LIN7C: variants seen among roughly 807,000 people sequenced by gnomAD.
The protein encoded by LIN7C is lin-7 cell polarity scaffold C.
Under a neutral mutation model 24.7 loss-of-function variants are expected in LIN7C, and 17 were observed. The ratio of observed to expected loss-of-function variants is 0.69; its 90% CI spans 0.47 to 1.03. LIN7C has a LOEUF of 1.03. Ranked by LOEUF, LIN7C falls within the 50% of genes least tolerant of loss-of-function variation. LIN7C has a pLI of 0.00. For missense variants in LIN7C, 204 were observed against 239.0 expected (o/e 0.85, Z 0.97); for synonymous variants, 90 against 83.4 (o/e 1.08, Z -0.43).
chr11:27,505,245 T>G (rs997720720), intron 1 of LIN7C, among the ~76,000 whole-genome samples: 5 of 152,154 alleles, frequency 3.3e-5, no homozygotes, highest in Middle Eastern at 3.2e-3. Flanking sequence ...GGCAGGAGAA[T>G]TGCTTGAACC....
In LIN7C at chr11:27,501,477, G is replaced by T; in HGVS notation, c.228+18C>A. On this transcript the variant is annotated intron_variant, in intron 3 of 4. Transcript: ENST00000278193. ...AATTTATGAAGAATTCTTACTTTTG[G>T]AAAACAAAAAAATTTACCTTTGCAG... The T allele has an allele frequency of 6.5e-7, 1 of 1,545,106 alleles. No homozygotes were observed. Among genetic ancestry groups the T allele is most frequent in the Non-Finnish European group, 8.8e-7 (1 of 1,136,222 alleles).
Position 27,498,471 on chromosome 11 carries a change from G to T in LIN7C, c.*178C>A. On this transcript the variant is annotated 3_prime_UTR_variant, in exon 5 of 5. Transcript: ENST00000278193. ...TTTTACTTTTTCTTGTCAGAAAAAA[G>T]TGTATGCATCTCTGGAACCATAAAT... is the stretch of plus-strand genomic sequence containing the variant. The T allele has an allele frequency of 1.7e-6, 1 of 572,504 alleles. No homozygotes were observed. Among genetic ancestry groups the T allele is most frequent in the East Asian group, 3.1e-5 (1 of 32,516 alleles). The allele number at this position is 572,504 out of a possible 1,614,324, so 35.5% of individuals were successfully genotyped here.
At position 27,496,215 on chromosome 11, in the gene LIN7C, A is replaced by G. The variant is rs548002260; in HGVS notation, c.*2434T>C. ...GTTATGGAATAGGACCCAGGTATCAATTTTTTAAAGCTCTGCCAGGCTAAT... is the reference window on the plus strand; with the variant it reads ...GTTATGGAATAGGACCCAGGTATCAGTTTTTTAAAGCTCTGCCAGGCTAAT... On this transcript the variant is annotated 3_prime_UTR_variant, in exon 5 of 5. Coordinates refer to ENST00000278193, the MANE Select transcript of LIN7C (RefSeq NM_018362.4). The G allele has an allele frequency of 6.6e-6, 1 of 152,172 alleles. No homozygotes were observed. The highest frequency in any genetic ancestry group is 2.4e-5 in the African/African-American group (1 of 41,522). The allele number at this position is 152,172 out of a possible 1,614,324, so 9.4% of individuals were successfully genotyped here.
chr11:27,505,483 A>G (rs1274351470), intron 1 of LIN7C, among the ~76,000 whole-genome samples: 2 of 152,242 alleles, frequency 1.3e-5, no homozygotes, highest in African/African-American at 2.4e-5. Context: ...TCAGAGACTT[A>G]GGCCTAACTC....
At chr11:27,503,560 C>G (rs1053969762) in intron 1 of LIN7C, among the ~76,000 whole-genome samples, 2 of 152,186 alleles carry the variant, frequency 1.3e-5, no homozygotes, top group Admixed American at 6.5e-5. Context: ...GTTGCCCAGG[C>G]TGGAGTGCAG....
At position 27,496,617 on chromosome 11, in the gene LIN7C, A is replaced by G. The variant is rs1019823230; in HGVS notation, c.*2032T>C. 8 of 152,348 alleles carry G rather than the reference A, an allele frequency of 5.3e-5. No individual in the cohort carries two copies. Among genetic ancestry groups the G allele is most frequent in the African/African-American group, 1.9e-4 (8 of 41,590 alleles). 9.4% of individuals were successfully genotyped at this position (152,348 alleles called of 1,614,324 possible). A position where few individuals can be genotyped will look rare whatever the true frequency, so the allele number is the denominator to read the frequency against. On this transcript the variant is annotated 3_prime_UTR_variant, in exon 5 of 5. Coordinates refer to ENST00000278193, the MANE Select transcript of LIN7C (RefSeq NM_018362.4). Reference sequence around the variant, plus strand: ...TACCCTTATTTTAAGAATTATAAATAGGTGTCAACCCACACAAAGAACAGA... The same window carrying G: ...TACCCTTATTTTAAGAATTATAAATGGGTGTCAACCCACACAAAGAACAGA...
intron 1 of LIN7C, among the ~76,000 whole-genome samples, chr11:27,502,598 T>C (rs1408229984): frequency 2.0e-5 from 3 of 152,116 alleles, no homozygotes; most frequent in Non-Finnish European, 2.9e-5. Context: ...TAAAAACAAT[T>C]AGCTTTATCA....
At chr11:27,506,690 C>A in intron 1 of LIN7C, 26 bp downstream of exon 1, 2 of 1,613,542 alleles carry the variant, frequency 1.2e-6, no homozygotes, top group Non-Finnish European at 8.5e-7. Flanking sequence ...TTCCGCCCAC[C>A]TCCGCCGAGC....
rs2133485971 is a variant in LIN7C, at chr11:27,497,487, A to G, written c.*1162T>C. On this transcript the variant is annotated 3_prime_UTR_variant, in exon 5 of 5. Coordinates refer to ENST00000278193, the MANE Select transcript of LIN7C (RefSeq NM_018362.4). ...CAGTGGACAAATGAAATATTTCTCA[A>G]ATTCCCATATTTGAATCATAAACAA... The G allele has an allele frequency of 6.6e-6, 1 of 152,668 alleles. No individual in the cohort carries two copies. The highest frequency in any genetic ancestry group is 1.9e-4 in the East Asian group (1 of 5,192). 9.5% of individuals were successfully genotyped at this position (152,668 alleles called of 1,614,324 possible).
At chr11:27,506,073 G>A (rs193184689) in intron 1 of LIN7C, among the ~76,000 whole-genome samples, 1 of 152,298 alleles carries the variant, frequency 6.6e-6, no homozygotes, top group Admixed American at 6.5e-5. Flanking sequence ...CAATTGTAGG[G>A]TTTGTAAGAA....
In LIN7C at chr11:27,496,300, G is replaced by A. The variant is rs75592971; in HGVS notation, c.*2349C>T. ...ATTTTGATATATCAAGAAAATAAATGGAAATGGGGGTGATAATTTATATTT... is the reference window on the plus strand; with the variant it reads ...ATTTTGATATATCAAGAAAATAAATAGAAATGGGGGTGATAATTTATATTT... On this transcript the variant is annotated 3_prime_UTR_variant, in exon 5 of 5. Coordinates refer to ENST00000278193, the MANE Select transcript of LIN7C (RefSeq NM_018362.4). The A allele has an allele frequency of 2.2e-3, 336 of 152,148 alleles. 1 individual carries two copies. The highest frequency in any genetic ancestry group is 7.9e-3 in the African/African-American group (329 of 41,518). 9.4% of individuals were successfully genotyped at this position (152,148 alleles called of 1,614,324 possible).
At chr11:27,501,371 A>G in intron 3 of LIN7C, 124 bp downstream of exon 3, 2 of 656,172 alleles carry the variant, frequency 3.0e-6, no homozygotes, top group Non-Finnish European at 5.3e-6. Flanking sequence ...TACTTGAGAA[A>G]TTTGGTGTAG....
In LIN7C at chr11:27,495,958, TC is replaced by T. The variant is rs1414302235; in HGVS notation, c.*2690del. The T allele has an allele frequency of 6.8e-6, 1 of 146,870 alleles. No individual in the cohort carries two copies. Among genetic ancestry groups the T allele is most frequent in the Admixed American group, 6.9e-5 (1 of 14,522 alleles). The allele number at this position is 146,870 out of a possible 1,614,324, so 9.1% of individuals were successfully genotyped here. A position where few individuals can be genotyped will look rare whatever the true frequency, so the allele number is the denominator to read the frequency against. ...TTCCAGCCTGGGAGACAAAGCAAGA[TC>T]CTGTCTCTTTTAAAACAAAAAACAA... is the stretch of plus-strand genomic sequence containing the variant. On this transcript the variant is annotated 3_prime_UTR_variant, in exon 5 of 5. Transcript: ENST00000278193.
chr11:27,499,500 T>A lies in LIN7C; in HGVS notation c.297A>T (p.Thr99=). The A allele has an allele frequency of 6.2e-7, 1 of 1,614,240 alleles. No individual in the cohort carries two copies. Among genetic ancestry groups the A allele is most frequent in the Non-Finnish European group, 8.5e-7 (1 of 1,180,036 alleles). Residue 99 remains threonine (T), a synonymous_variant, in exon 4 of 5, where the codon ACA becomes ACT. Transcript: ENST00000278193. The part of the protein sequence containing the change: ...SHPRVVELPK[T]EEGLGFNIMG... ...TAATATTGAATCCAAGGCCCTCTTCTGTTTTTGGTAGCTCAACAACTCGAG... is the reference window on the plus strand; with the variant it reads ...TAATATTGAATCCAAGGCCCTCTTCAGTTTTTGGTAGCTCAACAACTCGAG...
At chr11:27,505,242 G>A (rs1865266976) in intron 1 of LIN7C, among the ~76,000 whole-genome samples, 1 of 152,200 alleles carries the variant, frequency 6.6e-6, no homozygotes, top group South Asian at 2.1e-4. Context: ...TGAGGCAGGA[G>A]AATTGCTTGA....
chr11:27,501,346 T>C, intron 3 of LIN7C, 149 bp downstream of exon 3: 2 of 601,830 alleles, frequency 3.3e-6, no homozygotes, highest in South Asian at 2.1e-5. Flanking sequence ...TAGAAACAAA[T>C]GTCTTATTTC....
At chr11:27,500,495 G>T (rs374064902) in intron 3 of LIN7C, among the ~76,000 whole-genome samples, 3 of 152,112 alleles carry the variant, frequency 2.0e-5, no homozygotes, top group Non-Finnish European at 4.4e-5. Flanking sequence ...AAACAGAGCC[G>T]TATCTTCTTT....
In LIN7C at chr11:27,506,734, G is replaced by T. The variant is rs756959241; in HGVS notation, c.19C>A (p.Pro7Thr). 2.5e-6 allele frequency: 4 copies of T among 1,614,078 alleles called. No homozygotes were observed. In the East Asian group the frequency reaches 6.7e-5, roughly 27 times the overall value. Residue 7 changes from proline to threonine, a missense_variant, in exon 1 of 5, where the codon CCC becomes ACC. Coordinates refer to ENST00000278193, the MANE Select transcript of LIN7C (RefSeq NM_018362.4). The part of the protein sequence containing the change: MAALGE[P>T]VRLERDICRA... ...CACTCACCTCTCTCCAGCCGCACGG[G>T]TTCCCCTAGCGCCGCCATCTTCTCC...
rs1038017063 is a variant in LIN7C, at chr11:27,494,790, T to G, written c.*3859A>C. 2 of 152,242 alleles carry G rather than the reference T, an allele frequency of 1.3e-5. No homozygotes were observed. The highest frequency in any genetic ancestry group is 4.8e-5 in the African/African-American group (2 of 41,462). 9.4% of individuals were successfully genotyped at this position (152,242 alleles called of 1,614,324 possible). On this transcript the variant is annotated 3_prime_UTR_variant, in exon 5 of 5. Coordinates refer to ENST00000278193, the MANE Select transcript of LIN7C (RefSeq NM_018362.4). The stretch of plus-strand genomic sequence containing the variant: ...ATTAATAAGTGATTTTTCTCACTAC[T>G]TAACCATACCTGGAATAACCTTTGA...
Sources: gnomAD v4.1 joint callset for allele counts (sites outside exome capture counted in the v4.1 genomes callset) on GRCh38, gnomAD v4.1.1 for gene constraint, MANE v1.5 for transcripts, NCBI Gene and HGNC (gene_info 2026-07-23, HGNC 2026-07-21) for gene names.